Variants in SLCO6A1 observed in about 807,000 individuals in gnomAD.
The protein encoded by SLCO6A1 is solute carrier organic anion transporter family member 6A1.
SLCO6A1 carries 65 observed loss-of-function variants against 72.7 expected under a neutral mutation model. That is an observed-to-expected ratio of 0.89 (90% CI 0.73 to 1.10). The LOEUF (loss-of-function observed/expected upper bound fraction) is 1.10. SLCO6A1 is among the 50% of genes least tolerant of loss of function. The pLI is 0.00. For synonymous variants in SLCO6A1, 314 were observed against 298.2 expected, an observed-to-expected ratio of 1.05 and a Z score of -0.55; for missense variants, 874 against 872.6, an observed-to-expected ratio of 1.00 and a Z score of -0.02.
chr5:102,374,680 A>G (rs1273773225), intron 12 of SLCO6A1, among the ~76,000 whole-genome samples: 1 of 152,214 alleles, frequency 6.6e-6, no homozygotes, highest in East Asian at 1.9e-4. Flanking sequence ...ACAGGGAAAA[A>G]TACCATTTTT....
Position 102,413,066 on chromosome 5 carries a change from C to A in SLCO6A1, c.1550G>T (p.Cys517Phe), listed in dbSNP as rs756526781. The A allele has an allele frequency of 1.9e-6, 3 of 1,577,578 alleles. No individual in the cohort carries two copies. The African/African-American group carries it at 4.1e-5, about 22-fold the overall frequency. ...RCSSSIYSSI[C>F]GRDDIEYFSP... is the part of the protein sequence containing the mutation. ...AAAATATTCAATATCATCTCTTCCA[C>A]ATATAGAAGAATAAATTGAAGATGA... The change falls in exon 9 of 14, where the codon TGT becomes TTT. Residue 517 changes from cysteine to phenylalanine, a missense_variant. Cys to Phe is a radical substitution (Grantham distance 205). Transcript: ENST00000506729.
intron 10 of SLCO6A1, among the ~76,000 whole-genome samples, chr5:102,395,790 A>T (rs1181014455): frequency 6.6e-6 from 1 of 152,162 alleles, no homozygotes; most frequent in African/African-American, 2.4e-5. Flanking sequence ...TCTGATGGCC[A>T]GTGATGATGA....
At chr5:102,458,191 T>C (rs1259808987) in intron 6 of SLCO6A1, among the ~76,000 whole-genome samples, 191 bp downstream of exon 6, 2 of 151,994 alleles carry the variant, frequency 1.3e-5, no homozygotes, top group African/African-American at 4.8e-5. Flanking sequence ...ACATGGCACA[T>C]GTATACATAT....
At chr5:102,431,506 G>C (rs760692845) in intron 7 of SLCO6A1, among the ~76,000 whole-genome samples, 8 of 151,850 alleles carry the variant, frequency 5.3e-5, no homozygotes, top group Non-Finnish European at 1.2e-4. Context: ...AGTCATTCAG[G>C]GTGGGTCATT....
chr5:102,470,119 T>C (rs1164523987), intron 4 of SLCO6A1, among the ~76,000 whole-genome samples: 2 of 152,112 alleles, frequency 1.3e-5, no homozygotes, highest in Admixed American at 6.6e-5. Flanking sequence ...TAAAATTCTC[T>C]TTTTTGTGTG....
At chr5:102,488,406 A>C (rs566015597) in intron 1 of SLCO6A1, among the ~76,000 whole-genome samples, 1 of 152,310 alleles carries the variant, frequency 6.6e-6, no homozygotes, top group African/African-American at 2.4e-5. Flanking sequence ...ACGAGTTTCC[A>C]AATATTCTAT....
intron 9 of SLCO6A1, among the ~76,000 whole-genome samples, chr5:102,404,178 G>C (rs1747545951): frequency 6.6e-6 from 1 of 152,152 alleles, no homozygotes; most frequent in Non-Finnish European, 1.5e-5. Context: ...AAGGTTGTTT[G>C]ATATGTATTC....
intron 1 of SLCO6A1, among the ~76,000 whole-genome samples, chr5:102,484,781 GA>G (rs1414732527): frequency 6.6e-6 from 1 of 152,020 alleles, no homozygotes; most frequent in Non-Finnish European, 1.5e-5. Flanking sequence ...TTAAAAATAA[GA>G]TTATTAATAA....
intron 6 of SLCO6A1, among the ~76,000 whole-genome samples, chr5:102,449,945 T>C (rs1750326551): frequency 6.6e-6 from 1 of 152,222 alleles, no homozygotes; most frequent in South Asian, 2.1e-4. Flanking sequence ...CCCAATTATG[T>C]CATGAAATTC....
At chr5:102,432,406 A>T (rs1248247049) in intron 7 of SLCO6A1, among the ~76,000 whole-genome samples, 1 of 152,166 alleles carries the variant, frequency 6.6e-6, no homozygotes, top group African/African-American at 2.4e-5. Context: ...TGCTTCTTTC[A>T]GGAGCTCTTG....
chr5:102,444,032 C>G (rs904076718), intron 6 of SLCO6A1, among the ~76,000 whole-genome samples: 11 of 152,138 alleles, frequency 7.2e-5, no homozygotes, highest in Admixed American at 1.3e-4. Context: ...GGGGTTCATT[C>G]TGGTCTAGGA....
At chr5:102,382,607 A>C (rs1160047175) in intron 12 of SLCO6A1, among the ~76,000 whole-genome samples, 3 of 151,482 alleles carry the variant, frequency 2.0e-5, no homozygotes, top group Non-Finnish European at 4.4e-5. Flanking sequence ...TAATTCTCCC[A>C]ATCTATGAAC....
At chr5:102,443,377 T>C (rs1380784797) in intron 6 of SLCO6A1, among the ~76,000 whole-genome samples, 1 of 152,216 alleles carries the variant, frequency 6.6e-6, no homozygotes, top group East Asian at 1.9e-4. Flanking sequence ...ACTTTTATTT[T>C]TGCTATGTCA....
intron 7 of SLCO6A1, among the ~76,000 whole-genome samples, chr5:102,432,995 T>C (rs1749302576): frequency 2.0e-5 from 3 of 152,232 alleles, no homozygotes; most frequent in Non-Finnish European, 2.9e-5. Context: ...TTTCATGTTT[T>C]CTTTCTGTCT....
rs1561441728 is a variant in SLCO6A1 at position 102,414,920 on chromosome 5, TA to T, written c.1473-1778del. The stretch of plus-strand genomic sequence containing the variant: ...CAAAGTAAGTAAGTAAATAAATAAA[TA>T]AATAAATAAATAAATAAATTAATTA... On this transcript the variant is annotated intron_variant, in intron 8 of 13. Transcript: ENST00000506729. Among the ~76,000 whole-genome samples, 730 of 151,302 alleles carry T rather than the reference TA, an allele frequency of 4.8e-3. 5 individuals are homozygous for T. The highest frequency in any genetic ancestry group is 7.4e-3 in the Non-Finnish European group (499 of 67,818).
At chr5:102,472,045 C>T (rs1448450243) in intron 4 of SLCO6A1, among the ~76,000 whole-genome samples, 2 of 152,064 alleles carry the variant, frequency 1.3e-5, no homozygotes, top group African/African-American at 4.8e-5. Flanking sequence ...GCTTCCCCTG[C>T]CTTCTCATCT....
At chr5:102,373,216 TATA>T (rs1310004513) in intron 13 of SLCO6A1, 118 bp downstream of exon 13, 2 of 587,894 alleles carry the variant, frequency 3.4e-6, no homozygotes, top group Admixed American at 4.7e-5. Flanking sequence ...GCACTCAAAA[TATA>T]ATAAAATATA....
chr5:102,494,845 C>G, intron 1 of SLCO6A1, among the ~76,000 whole-genome samples: 1 of 152,162 alleles, frequency 6.6e-6, no homozygotes, highest in East Asian at 1.9e-4. Context: ...CAGTTTCTAG[C>G]AGGTACACTT....
intron 12 of SLCO6A1, among the ~76,000 whole-genome samples, chr5:102,381,357 A>G (rs1746095304): frequency 6.6e-6 from 1 of 151,792 alleles, no homozygotes; most frequent in African/African-American, 2.4e-5. Context: ...ATTTTGCTTA[A>G]CATGATGTCC....
Sources: allele counts gnomAD v4.1 joint callset (sites outside exome capture counted in the v4.1 genomes callset), GRCh38; gene constraint gnomAD v4.1.1; transcripts MANE v1.5; gene names NCBI Gene and HGNC (gene_info 2026-07-23, HGNC 2026-07-21).